The following FGGY variants were observed in gnomAD, a reference collection of about 807,000 sequenced individuals.
The protein encoded by FGGY is FGGY carbohydrate kinase domain-containing protein.
A neutral mutation model predicts 71.3 loss-of-function variants in FGGY; 72 were observed. That is an observed-to-expected ratio of 1.01 (90% CI 0.84 to 1.23). FGGY has a LOEUF of 1.23. Among genes scored for constraint, FGGY ranks in the 50% most tolerant of loss-of-function variants. The probability of loss-of-function intolerance (pLI) is 0.00; values close to 1 mark genes in which losing one functional copy is unlikely to be tolerated. For synonymous variants in FGGY, 251 were observed against 250.3 expected (o/e 1.00, Z -0.02); for missense variants, 668 against 682.3 (o/e 0.98, Z 0.23).
At chr1:59,344,713 C>G (rs1381398070) in intron 3 of FGGY, among the ~76,000 whole-genome samples, 2 of 152,108 alleles carry the variant, frequency 1.3e-5, no homozygotes, top group East Asian at 3.9e-4. Context: ...CAGATAATCT[C>G]TAGGTTACTT....
intron 11 of FGGY, among the ~76,000 whole-genome samples, chr1:59,649,978 C>G (rs1341317336): frequency 6.8e-6 from 1 of 147,612 alleles, no homozygotes; most frequent in Non-Finnish European, 1.5e-5. Context: ...TGAATTTTGT[C>G]AAAGGCTTTT....
At chr1:59,720,331 GA>G (rs916689233) in intron 14 of FGGY, among the ~76,000 whole-genome samples, 8 of 151,972 alleles carry the variant, frequency 5.3e-5, no homozygotes, top group African/African-American at 1.7e-4. Flanking sequence ...ATGTCAGGGG[GA>G]AAAAAAGGTC....
intron 1 of FGGY, among the ~76,000 whole-genome samples, chr1:59,318,254 CA>C (rs2153114513): frequency 6.6e-6 from 1 of 152,330 alleles, no homozygotes; most frequent in East Asian, 1.9e-4. Flanking sequence ...AGCTGCTTAG[CA>C]GAATATCAGA....
intron 6 of FGGY, among the ~76,000 whole-genome samples, chr1:59,461,255 C>A (rs558495861): frequency 6.6e-6 from 1 of 152,148 alleles, no homozygotes; most frequent in Non-Finnish European, 1.5e-5. Context: ...AACCATGGCA[C>A]AAGAACTACG....
Position 59,432,946 on chromosome 1 carries a change from A to G in FGGY, c.555-24015A>G, listed in dbSNP as rs553009495. On this transcript the variant is annotated intron_variant, in intron 5 of 15. Coordinates refer to ENST00000303721, the MANE Select transcript of FGGY (RefSeq NM_018291.5). ...ACCACTAGACTGTGGGTAGTTTTCA[A>G]TCCAGTCACACTAAATGCCAGTTAT... Among the ~76,000 whole-genome samples, 23 of 152,288 alleles carry G rather than the reference A, an allele frequency of 1.5e-4. No individual in the cohort carries two copies. In the East Asian group the frequency reaches 3.7e-3, roughly 24 times the overall value.
At chr1:59,585,937 A>T (rs1222888316) in intron 8 of FGGY, among the ~76,000 whole-genome samples, 1 of 152,234 alleles carries the variant, frequency 6.6e-6, no homozygotes, top group Non-Finnish European at 1.5e-5. Context: ...TGGCCATCAG[A>T]AAAATGCAAA....
At chr1:59,641,133 T>G (rs1000678942) in intron 11 of FGGY, 5 of 605,216 alleles carry the variant, frequency 8.3e-6, no homozygotes, top group African/African-American at 5.8e-5. Context: ...AAGGGAATCA[T>G]AGTATGTGCA....
At chr1:59,415,777 T>C (rs1034227810) in intron 5 of FGGY, among the ~76,000 whole-genome samples, 2 of 152,214 alleles carry the variant, frequency 1.3e-5, no homozygotes, top group Non-Finnish European at 2.9e-5. Context: ...ATGCTGTCTT[T>C]ATTCATGTTG....
At chr1:59,564,656 G>T (rs2095846750) in intron 8 of FGGY, among the ~76,000 whole-genome samples, 1 of 152,228 alleles carries the variant, frequency 6.6e-6, no homozygotes, top group South Asian at 2.1e-4. Context: ...ATAATGTGGG[G>T]AACTGGAACT....
At chr1:59,520,875 T>C (rs1209998857) in intron 7 of FGGY, among the ~76,000 whole-genome samples, 1 of 152,028 alleles carries the variant, frequency 6.6e-6, no homozygotes, top group Non-Finnish European at 1.5e-5. Flanking sequence ...AGAAGCAGTA[T>C]TGATGTGTTT....
At chr1:59,655,451 C>CTCCTGTGTGTGTGTGTGTGTGTTG (rs1558696169) in intron 11 of FGGY, among the ~76,000 whole-genome samples, 13 of 151,950 alleles carry the variant, frequency 8.6e-5, no homozygotes, top group African/African-American at 2.9e-4. Context: ...CCACAGGCCC[C>CTCCTGTGTGTGTGTGTGTGTGTTG]AGTGTGTGAT....
intron 2 of FGGY, 126 bp downstream of exon 2, chr1:59,321,876 G>A (rs1330016998): frequency 1.9e-5 from 17 of 874,614 alleles, no homozygotes; most frequent in African/African-American, 3.3e-5. Flanking sequence ...CATAGGCCTT[G>A]CCCTTCAGGA....
chr1:59,590,556 C>T (rs1020737715), intron 8 of FGGY, among the ~76,000 whole-genome samples: 5 of 151,966 alleles, frequency 3.3e-5, no homozygotes, highest in South Asian at 2.1e-4. Context: ...ACTGGCAAAC[C>T]GAATCCAGCA....
At chr1:59,592,832 G>A (rs1029625168) in intron 8 of FGGY, among the ~76,000 whole-genome samples, 4 of 151,932 alleles carry the variant, frequency 2.6e-5, no homozygotes, top group African/African-American at 9.7e-5. Flanking sequence ...TATACCTAAT[G>A]CTAAATGACG....
chr1:59,539,820 A>T (rs1346195643), intron 7 of FGGY, among the ~76,000 whole-genome samples: 3 of 152,216 alleles, frequency 2.0e-5, no homozygotes, highest in African/African-American at 7.2e-5. Context: ...CAAGCCACAA[A>T]GTGGAAGGAA....
At chr1:59,591,753 T>C (rs1436066171) in intron 8 of FGGY, among the ~76,000 whole-genome samples, 1 of 152,200 alleles carries the variant, frequency 6.6e-6, no homozygotes, top group African/African-American at 2.4e-5. Flanking sequence ...AAGCTGAAAC[T>C]GGATTCCTTC....
At chr1:59,727,241 C>T (rs1573744455) in intron 14 of FGGY, among the ~76,000 whole-genome samples, 1 of 152,164 alleles carries the variant, frequency 6.6e-6, no homozygotes, top group Non-Finnish European at 1.5e-5. Flanking sequence ...TTTATGGCTG[C>T]ATAGTAATCT....
chr1:59,395,467 G>A (rs758304343), intron 5 of FGGY, among the ~76,000 whole-genome samples: 3 of 152,096 alleles, frequency 2.0e-5, no homozygotes, highest in Non-Finnish European at 4.4e-5. Context: ...ATAATGCTTG[G>A]AAACACCTGT....
chr1:59,416,108 CAGTT>C (rs2153433933), intron 5 of FGGY, among the ~76,000 whole-genome samples: 1 of 152,238 alleles, frequency 6.6e-6, no homozygotes, highest in African/African-American at 2.4e-5. Flanking sequence ...GAGAATGAAT[CAGTT>C]AGGAATGCTT....
Sources: gnomAD v4.1 joint callset for allele counts (sites outside exome capture counted in the v4.1 genomes callset) on GRCh38, gnomAD v4.1.1 for gene constraint, MANE v1.5 for transcripts, NCBI Gene and HGNC (gene_info 2026-07-23, HGNC 2026-07-21) for gene names.